GLI3: variants seen among roughly 807,000 people sequenced by gnomAD.
The protein encoded by GLI3 is transcription activator GLI3.
Under a neutral mutation model 100.8 loss-of-function variants are expected in GLI3, and 20 were observed. That is an observed-to-expected ratio of 0.20 (90% CI 0.14 to 0.29). The LOEUF is 0.29. GLI3 is among the 10% of genes least tolerant of loss of function. GLI3 has a pLI of 1.00. For synonymous variants in GLI3, 938 were observed against 860.5 expected (o/e 1.09, Z -1.58); for missense variants, 2,040 against 2,128.5 (o/e 0.96, Z 0.82).
At chr7:42,008,031 T>A (rs1024945796) in intron 10 of GLI3, among the ~76,000 whole-genome samples, 1 of 152,228 alleles carries the variant, frequency 6.6e-6, no homozygotes, top group Non-Finnish European at 1.5e-5. Context: ...ACTTTAAACA[T>A]AGGCATGTAA....
chr7:41,991,348 C>T (rs1303885256), intron 10 of GLI3, among the ~76,000 whole-genome samples: 2 of 152,166 alleles, frequency 1.3e-5, no homozygotes, highest in African/African-American at 4.8e-5. Context: ...AAAGCAAGCC[C>T]CTCCGCTTCG....
chr7:42,039,158 T>C (rs901267322), intron 7 of GLI3, among the ~76,000 whole-genome samples: 2 of 152,216 alleles, frequency 1.3e-5, no homozygotes, highest in South Asian at 2.1e-4. Context: ...TAGAGTACTA[T>C]CTAATTCTAT....
chr7:41,980,425 G>C (rs1204654213), intron 10 of GLI3, among the ~76,000 whole-genome samples: 1 of 152,198 alleles, frequency 6.6e-6, no homozygotes, highest in Non-Finnish European at 1.5e-5. Context: ...CTGAAGCCCA[G>C]CCTTGGAAAC....
rs4724083 is a variant in GLI3 at position 41,967,473 on chromosome 7, C to T, written c.2431+123G>A. 0.39 allele frequency: 290,172 copies of T among 743,342 alleles called. 63,177 individuals are homozygous for T. The highest frequency in any genetic ancestry group is 0.82 in the East Asian group (33,362 of 40,710). 46.0% of individuals were successfully genotyped at this position (743,342 alleles called of 1,614,324 possible). On this transcript the variant is annotated intron_variant, in intron 14 of 14. Coordinates refer to ENST00000395925, the MANE Select transcript of GLI3 (RefSeq NM_000168.6). Reference sequence around the variant, plus strand: ...GCAACTTGAATGGGCTAAACATTAACGGATGGTTACAGCGTCATTTTAGGA... The same window carrying T: ...GCAACTTGAATGGGCTAAACATTAATGGATGGTTACAGCGTCATTTTAGGA...
intron 7 of GLI3, 30 bp from the exon 8 acceptor site, chr7:42,026,442 A>T: frequency 2.6e-6 from 4 of 1,538,986 alleles, no homozygotes; most frequent in Non-Finnish European, 3.6e-6. Context: ...AAAGACGATC[A>T]TCACTTAAAC....
rs749750615 is a variant in GLI3 at position 42,048,536 on chromosome 7, A to C, written c.634T>G (p.Ser212Ala). ...DYIRSLHSSP[S>A]LSMISATRGL... ...CGGGTTGCTGAGATCATGGAGAGCG[A>C]TGGGCTGCTGTGCAAGGAGCGGATA... Residue 212 changes from serine to alanine, a missense_variant, in exon 5 of 15, where the codon TCG becomes GCG. By Grantham distance (99) the Ser-to-Ala change is moderately conservative (BLOSUM62 1). This residue lies in a region of GLI3 where 603 missense variants were observed against 690.9 expected (regional missense o/e 0.87). Coordinates refer to ENST00000395925, the MANE Select transcript of GLI3 (RefSeq NM_000168.6). 1 of 1,613,450 alleles carries C rather than the reference A, an allele frequency of 6.2e-7. No homozygotes were observed.
intron 4 of GLI3, among the ~76,000 whole-genome samples, chr7:42,071,225 G>A (rs1001920369): frequency 6.6e-6 from 1 of 151,884 alleles, no homozygotes; most frequent in African/African-American, 2.4e-5. Context: ...TTGGGGGGGC[G>A]GTGGGGAGTG....
chr7:42,023,402 G>A (rs1789000049), intron 10 of GLI3, 66 bp downstream of exon 10: 4 of 1,544,558 alleles, frequency 2.6e-6, no homozygotes, highest in South Asian at 2.2e-5. Flanking sequence ...CAGGGTCAGA[G>A]AGGCTGACCT....
At chr7:42,129,764 C>T (rs1428705585) in intron 3 of GLI3, among the ~76,000 whole-genome samples, 1 of 151,952 alleles carries the variant, frequency 6.6e-6, no homozygotes, top group Non-Finnish European at 1.5e-5. Flanking sequence ...GAGCCGAGAT[C>T]GCGCCACTGC....
At chr7:42,000,172 G>A (rs1379645770) in intron 10 of GLI3, among the ~76,000 whole-genome samples, 3 of 152,208 alleles carry the variant, frequency 2.0e-5, no homozygotes, top group African/African-American at 7.2e-5. Flanking sequence ...TACTGTGTTT[G>A]CTTATGTATC....
intron 2 of GLI3, among the ~76,000 whole-genome samples, chr7:42,154,524 A>T (rs1176152533): frequency 6.6e-6 from 1 of 152,178 alleles, no homozygotes; most frequent in Non-Finnish European, 1.5e-5. Context: ...CATTTGTTGC[A>T]TCTTATCAGC....
rs746798261 is a variant in GLI3 at position 41,964,463 on chromosome 7, C to T, written c.4610G>A (p.Arg1537His). ...GAGGGACGCCCGAGGCGTGGTGAGG[C>T]GGGAGGAGCTATGGGAAAGGTTCTG... The part of the protein sequence containing the change: ...IIQNLSHSSS[R>H]LTTPRASLPF... The change falls in exon 15 of 15, where the codon CGC becomes CAC. Residue 1537 changes from arginine (R) to histidine (H), a missense_variant. Coordinates refer to ENST00000395925, the MANE Select transcript of GLI3 (RefSeq NM_000168.6). The T allele has an allele frequency of 2.7e-5, 44 of 1,614,018 alleles. No individual in the cohort carries two copies. Among genetic ancestry groups the T allele is most frequent in the Non-Finnish European group, 3.6e-5 (43 of 1,180,022 alleles).
At chr7:42,156,132 C>A (rs925157119) in intron 2 of GLI3, among the ~76,000 whole-genome samples, 1 of 152,148 alleles carries the variant, frequency 6.6e-6, no homozygotes, top group South Asian at 2.1e-4. Flanking sequence ...CTTGCCAAAT[C>A]CAGCATGCAC....
chr7:41,978,796 A>G (rs749480317), intron 10 of GLI3, 48 bp from the exon 11 acceptor site: 2 of 1,561,968 alleles, frequency 1.3e-6, no homozygotes, highest in African/African-American at 1.3e-5. Flanking sequence ...CGTATTCATC[A>G]TTTCTGAAGG....
At chr7:42,070,034 C>T (rs6965961) in intron 4 of GLI3, among the ~76,000 whole-genome samples, 15,704 of 152,184 alleles carry the variant, frequency 0.1, 1,822 homozygotes, top group African/African-American at 0.29. Context: ...ACATGGCTTC[C>T]CTTCTATTGG....
chr7:42,067,767 C>A (rs968876222), intron 4 of GLI3, among the ~76,000 whole-genome samples: 1 of 151,866 alleles, frequency 6.6e-6, no homozygotes, highest in African/African-American at 2.4e-5. Context: ...TATGGGGGAA[C>A]CTTAAAAAAA....
At chr7:42,149,313 A>C (rs573525484) in intron 2 of GLI3, among the ~76,000 whole-genome samples, 148 of 152,370 alleles carry the variant, frequency 9.7e-4, no homozygotes, top group African/African-American at 3.5e-3. Context: ...CAGCTTGAAG[A>C]AATTCCATAT....
Position 42,174,216 on chromosome 7 carries a change from A to T in GLI3, c.125-25748T>A, listed in dbSNP as rs1283185516. Among the ~76,000 whole-genome samples the T allele has an allele frequency of 5.3e-5, 8 of 152,164 alleles. No homozygotes were observed. The East Asian group carries it at 1.5e-3, about 29-fold the overall frequency. On this transcript the variant is annotated intron_variant, in intron 2 of 14. Transcript: ENST00000395925. Reference sequence around the variant, plus strand: ...ACTGAATTTAAAATCAATAAAGAACACCCATCATCTGGGTAACTAATTTTG... The same window carrying T: ...ACTGAATTTAAAATCAATAAAGAACTCCCATCATCTGGGTAACTAATTTTG...
chr7:41,966,845 C>T lies in GLI3; in HGVS notation c.2432-204G>A, dbSNP rs572643889. On this transcript the variant is annotated intron_variant, in intron 14 of 14. Transcript: ENST00000395925. This position sits in a 1 kb window ranked among gnomAD's most constrained non-coding sequence, Gnocchi z 5.8. ...GAGAGCAGTGAGCAAGCAAGCGTGG[C>T]GGGGTGTCCATGAAGCTTCCTTTAC... Among the ~76,000 whole-genome samples the T allele has an allele frequency of 2.6e-4, 40 of 152,158 alleles. No individual in the cohort carries two copies. The highest frequency in any genetic ancestry group is 4.6e-4 in the Non-Finnish European group (31 of 67,992).
Sources: allele counts gnomAD v4.1 joint callset (sites outside exome capture counted in the v4.1 genomes callset), GRCh38; gene constraint gnomAD v4.1.1; regional missense constraint gnomAD v4.1.1; non-coding constraint Gnocchi (gnomAD v3.1); transcripts MANE v1.5; gene names NCBI Gene and HGNC (gene_info 2026-07-23, HGNC 2026-07-21).